The following USH2A variants were observed in gnomAD, a reference collection of about 807,000 sequenced individuals.
USH2A encodes usherin.
In USH2A, 443 loss-of-function variants were observed where a neutral mutation model predicts 538.9. That is an observed-to-expected ratio of 0.82 (90% CI 0.76 to 0.89). The LOEUF (loss-of-function observed/expected upper bound fraction) is 0.89, where lower values mean the gene tolerates loss of function less well. USH2A is among the 40% of genes least tolerant of loss of function. USH2A has a pLI of 0.00. For missense variants in USH2A, 6,633 were observed against 6,324.8 expected (o/e 1.05, Z -1.65); for synonymous variants, 2,413 against 2,273.5 (o/e 1.06, Z -1.75).
In USH2A at chr1:215,672,261, T is replaced by A. The variant is rs559171525; in HGVS notation, c.13812-968A>T. Among the ~76,000 whole-genome samples the A allele has an allele frequency of 2.3e-4, 35 of 152,352 alleles. No individual in the cohort carries two copies. In the South Asian group the frequency reaches 7.0e-3, roughly 31 times the overall value. ...CCCAGCTATCTTCTTTCTACCTTTA[T>A]TCCTTTTAGTTCTAGCCTTTTCCTC... On this transcript the variant is annotated intron_variant, in intron 63 of 71. Transcript: ENST00000307340.
intron 41 of USH2A, chr1:215,886,573 A>G (rs1201937957): frequency 6.6e-6 from 1 of 152,314 alleles, no homozygotes; most frequent in Non-Finnish European, 1.5e-5. Context: ...CCATGTTCAT[A>G]TATTTCAGAC....
intron 14 of USH2A, among the ~76,000 whole-genome samples, chr1:216,229,722 C>T (rs758012330): frequency 2.0e-5 from 3 of 152,138 alleles, no homozygotes; most frequent in Non-Finnish European, 4.4e-5. Flanking sequence ...TTAAATCCAC[C>T]TTCTAACCCA....
chr1:216,019,593 T>C (rs1668799253), intron 32 of USH2A, among the ~76,000 whole-genome samples: 1 of 152,206 alleles, frequency 6.6e-6, no homozygotes, highest in South Asian at 2.1e-4. Flanking sequence ...TTTCTAAGAT[T>C]AAATTCTCTA....
chr1:215,967,293 G>A (rs1050166754), intron 36 of USH2A, among the ~76,000 whole-genome samples: 6 of 151,990 alleles, frequency 3.9e-5, no homozygotes, highest in African/African-American at 7.2e-5. Flanking sequence ...CTCAGCCTCC[G>A]GAGTAGCTGA....
intron 11 of USH2A, among the ~76,000 whole-genome samples, chr1:216,283,861 T>C (rs2036832446): frequency 1.3e-5 from 2 of 152,178 alleles, no homozygotes; most frequent in Admixed American, 1.3e-4. Flanking sequence ...ATATTGAATA[T>C]TTTAATATGG....
chr1:216,093,860 A>T (rs927136990), intron 22 of USH2A, among the ~76,000 whole-genome samples: 1 of 152,208 alleles, frequency 6.6e-6, no homozygotes, highest in Non-Finnish European at 1.5e-5. Context: ...GAATAAAATA[A>T]TTCAGTGCTA....
intron 4 of USH2A, among the ~76,000 whole-genome samples, chr1:216,338,287 G>T (rs555910885): frequency 6.6e-6 from 1 of 151,506 alleles, no homozygotes; most frequent in African/African-American, 2.4e-5. Flanking sequence ...ATTGACCTCT[G>T]AAACAAGATG....
intron 11 of USH2A, among the ~76,000 whole-genome samples, chr1:216,269,967 A>C (rs923316391): frequency 1.3e-5 from 2 of 152,142 alleles, no homozygotes; most frequent in African/African-American, 2.4e-5. Context: ...CAAGGCATCA[A>C]GTAATCCATA....
At chr1:216,143,544 A>C (rs1359466241) in intron 21 of USH2A, among the ~76,000 whole-genome samples, 19 of 152,196 alleles carry the variant, frequency 1.2e-4, no homozygotes, top group Admixed American at 1.2e-3. Context: ...AATGCCCTAA[A>C]GAGTAGAAAA....
intron 15 of USH2A, among the ~76,000 whole-genome samples, chr1:216,216,016 C>A (rs1485257899): frequency 6.6e-6 from 1 of 152,000 alleles, no homozygotes; most frequent in Non-Finnish European, 1.5e-5. Flanking sequence ...AAATTAGTGG[C>A]AGAACCAATC....
intron 4 of USH2A, among the ~76,000 whole-genome samples, chr1:216,340,917 C>T (rs2038064830): frequency 6.6e-6 from 1 of 152,044 alleles, no homozygotes; most frequent in Non-Finnish European, 1.5e-5. Flanking sequence ...TGGAAGCATT[C>T]CCTTTGAAAA....
At chr1:216,245,067 T>C (rs1423301660) in intron 13 of USH2A, among the ~76,000 whole-genome samples, 1 of 152,086 alleles carries the variant, frequency 6.6e-6, no homozygotes, top group Non-Finnish European at 1.5e-5. Context: ...GAAAAAAACA[T>C]CTCATCTTAG....
chr1:215,727,783 A>C (rs1048678037), intron 61 of USH2A, among the ~76,000 whole-genome samples: 5 of 152,132 alleles, frequency 3.3e-5, no homozygotes, highest in African/African-American at 1.2e-4. Context: ...AATTTTATGA[A>C]TAAATAAAAT....
At chr1:216,182,276 A>G (rs930793594) in intron 20 of USH2A, among the ~76,000 whole-genome samples, 1 of 152,072 alleles carries the variant, frequency 6.6e-6, no homozygotes, top group Admixed American at 6.6e-5. Flanking sequence ...AATATTTTGC[A>G]TAGTAGAGTC....
intron 11 of USH2A, among the ~76,000 whole-genome samples, chr1:216,280,860 G>A (rs1247754090): frequency 1.3e-5 from 2 of 152,138 alleles, no homozygotes; most frequent in East Asian, 1.9e-4. Flanking sequence ...TCATTCCTAA[G>A]TTATTATAAC....
At chr1:215,633,220 T>C (rs1480539929) in intron 70 of USH2A, among the ~76,000 whole-genome samples, 3 of 152,152 alleles carry the variant, frequency 2.0e-5, no homozygotes, top group African/African-American at 7.2e-5. Flanking sequence ...TTAGAGCTTG[T>C]CTGATGGGCT....
At chr1:215,971,752 T>C (rs1571857282) in intron 35 of USH2A, among the ~76,000 whole-genome samples, 1 of 152,342 alleles carries the variant, frequency 6.6e-6, no homozygotes. Flanking sequence ...GATTTGTATA[T>C]TGTAGCCAAT....
intron 11 of USH2A, among the ~76,000 whole-genome samples, chr1:216,254,137 A>G (rs1033794560): frequency 1.3e-5 from 2 of 152,130 alleles, no homozygotes. Context: ...GTTTACTCCC[A>G]TTTCATTAAT....
intron 30 of USH2A, among the ~76,000 whole-genome samples, chr1:216,068,585 A>C (rs753957029): frequency 1.8e-4 from 28 of 152,190 alleles, no homozygotes; most frequent in Non-Finnish European, 3.1e-4. Context: ...CAGCAGACAG[A>C]GGCGTTAAAA....
Sources: gnomAD v4.1 joint callset for allele counts (sites outside exome capture counted in the v4.1 genomes callset) on GRCh38, gnomAD v4.1.1 for gene constraint, MANE v1.5 for transcripts, NCBI Gene and HGNC (gene_info 2026-07-23, HGNC 2026-07-21) for gene names.